The following PEAK1 variants were observed in gnomAD, a reference collection of about 807,000 sequenced individuals.
PEAK1 encodes pseudopodium enriched atypical kinase 1.
In PEAK1, 54 loss-of-function variants were observed where a neutral mutation model predicts 124.7. That is an observed-to-expected ratio of 0.43 (90% CI 0.35 to 0.54). The LOEUF (loss-of-function observed/expected upper bound fraction) is 0.54, where lower values mean the gene tolerates loss of function less well. PEAK1 is among the 20% of genes least tolerant of loss of function. The pLI, the probability that PEAK1 is intolerant of heterozygous loss-of-function variation, is 0.01. For missense variants in PEAK1, 2,046 were observed against 2,134.5 expected, an observed-to-expected ratio of 0.96 and a Z score of 0.82; for synonymous variants, 719 against 760.0, an observed-to-expected ratio of 0.95 and a Z score of 0.89.
chr15:77,128,784 A>G (rs2052597257), intron 9 of PEAK1, among the ~76,000 whole-genome samples: 1 of 152,196 alleles, frequency 6.6e-6, no homozygotes, highest in Non-Finnish European at 1.5e-5. Context: ...CTCAGGACAA[A>G]TCATACCTTG....
chr15:77,334,289 A>C, intron 2 of PEAK1: 4 of 985,166 alleles, frequency 4.1e-6, no homozygotes, highest in Non-Finnish European at 4.8e-6. Context: ...ACTTGTGCAT[A>C]ATAGTAATGC....
chr15:77,343,556 G>A (rs560293012), intron 2 of PEAK1, among the ~76,000 whole-genome samples: 6 of 140,242 alleles, frequency 4.3e-5, no homozygotes, highest in African/African-American at 1.6e-4. Context: ...GCACAATCTC[G>A]TCTTACTGCA....
intron 5 of PEAK1, among the ~76,000 whole-genome samples, chr15:77,267,117 C>T (rs1481615897): frequency 6.6e-6 from 1 of 152,070 alleles, no homozygotes; most frequent in Non-Finnish European, 1.5e-5. Flanking sequence ...GCAGAGGCAG[C>T]CATAATCTTC....
rs766936185 is a variant in PEAK1, at chr15:77,133,014, A to G, written c.4068T>C (p.Tyr1356=). The G allele has an allele frequency of 2.5e-6, 4 of 1,605,714 alleles. No individual in the cohort carries two copies. In the South Asian group the frequency reaches 4.4e-5, roughly 18 times the overall value. The part of the protein sequence containing the change: ...ASYAKDPLNN[Y]AVKICKSKAK... ...TATAATATTTTCTTACCTTGACTGC[A>G]TAGTTATTAAGTGGATCTTTTGCAT... is the stretch of plus-strand genomic sequence containing the variant. Residue 1356 remains tyrosine (Y), a synonymous_variant, in exon 9 of 10, where the codon TAT becomes TAC. Transcript: ENST00000682557. The surrounding 1 kb of genome is among the most constrained non-coding windows in gnomAD (Gnocchi z 4.2).
chr15:77,211,615 G>A (rs760866825), intron 6 of PEAK1, among the ~76,000 whole-genome samples: 5 of 152,070 alleles, frequency 3.3e-5, no homozygotes, highest in South Asian at 2.1e-4. Flanking sequence ...TTGGGAGGCC[G>A]AGGTGGGTCG....
At chr15:77,333,785 T>C (rs1026901489) in intron 2 of PEAK1, 48 of 887,086 alleles carry the variant, frequency 5.4e-5, no homozygotes, top group Non-Finnish European at 6.5e-5. Context: ...GTCAATATCA[T>C]ATGGTTTTAA....
intron 6 of PEAK1, among the ~76,000 whole-genome samples, chr15:77,204,121 AAAGAC>A (rs140283813): frequency 0.16 from 24,088 of 152,140 alleles, 2,286 homozygotes; most frequent in Middle Eastern, 0.28. Context: ...AGAAACAGAT[AAAGAC>A]AATATACAGA....
chr15:77,315,453 T>C (rs1350103305), intron 2 of PEAK1, among the ~76,000 whole-genome samples: 5 of 152,164 alleles, frequency 3.3e-5, no homozygotes, highest in Non-Finnish European at 5.9e-5. Context: ...GTGTGCTTTA[T>C]TTAGCAAGTG....
chr15:77,193,641 T>TA (rs1344858621), intron 6 of PEAK1, among the ~76,000 whole-genome samples: 1 of 152,144 alleles, frequency 6.6e-6, no homozygotes, highest in Non-Finnish European at 1.5e-5. Flanking sequence ...CCGTCTCTAC[T>TA]AAAAATACAA....
At chr15:77,175,298 C>G (rs1318966293) in intron 7 of PEAK1, among the ~76,000 whole-genome samples, 6 of 152,096 alleles carry the variant, frequency 3.9e-5, no homozygotes, top group African/African-American at 1.2e-4. Flanking sequence ...AAGAAACTAC[C>G]ATCAGAGTGA....
chr15:77,166,340 G>C (rs574610569), intron 7 of PEAK1, among the ~76,000 whole-genome samples: 2 of 152,242 alleles, frequency 1.3e-5, no homozygotes, highest in African/African-American at 4.8e-5. Flanking sequence ...TAATAATAGT[G>C]GCCAAAATTT....
chr15:77,350,463 T>C, intron 2 of PEAK1: 1 of 985,396 alleles, frequency 1.0e-6, no homozygotes, highest in Non-Finnish European at 1.2e-6. Context: ...ATAGTGTATA[T>C]ATCTTAAGGT....
At chr15:77,334,206 T>G in intron 2 of PEAK1, 1 of 983,194 alleles carries the variant, frequency 1.0e-6, no homozygotes, top group Non-Finnish European at 1.2e-6. Flanking sequence ...TTCAGTACAT[T>G]TAGACGTAAC....
At chr15:77,412,168 TTCTTC>T (rs2072468062) in intron 1 of PEAK1, among the ~76,000 whole-genome samples, 1 of 152,192 alleles carries the variant, frequency 6.6e-6, no homozygotes, top group Non-Finnish European at 1.5e-5. Flanking sequence ...GTCCTTAAAT[TTCTTC>T]TCTTCTCTAG....
rs373619237 is a variant in PEAK1 at position 77,115,185 on chromosome 15, G to A, written c.4212C>T (p.Pro1404=). Residue 1404 remains proline (P), a synonymous_variant, in exon 10 of 10, where the codon CCC becomes CCT. Coordinates refer to ENST00000682557, the MANE Select transcript of PEAK1 (RefSeq NM_001385026.1). ...FLAEVPNRLL[P]WEDPDDPEKD... is the part of the protein sequence containing the mutation. ...TTTCAGGGTCATCTGGATCCTCCCA[G>A]GGAAGCAGACGGTTAGGGACTTCAG... 5.0e-6 allele frequency: 8 copies of A among 1,614,136 alleles called. No individual in the cohort carries two copies. Among genetic ancestry groups the A allele is most frequent in the Middle Eastern group, 3.3e-4 (2 of 6,062 alleles).
intron 6 of PEAK1, among the ~76,000 whole-genome samples, chr15:77,249,300 T>C (rs984164932): frequency 6.6e-6 from 1 of 152,186 alleles, no homozygotes; most frequent in Non-Finnish European, 1.5e-5. Flanking sequence ...TGTAAGAATA[T>C]ACTCCCCTAC....
intron 9 of PEAK1, among the ~76,000 whole-genome samples, chr15:77,124,024 A>G (rs543466965): frequency 6.6e-6 from 1 of 152,364 alleles, no homozygotes; most frequent in African/African-American, 2.4e-5. Flanking sequence ...CTGCCTCCAC[A>G]GCTTCCTCTT....
At chr15:77,165,720 G>C (rs1330831011) in intron 7 of PEAK1, among the ~76,000 whole-genome samples, 2 of 152,168 alleles carry the variant, frequency 1.3e-5, no homozygotes, top group Non-Finnish European at 2.9e-5. Context: ...TAGGTACTCA[G>C]AACACCCAGC....
chr15:77,180,517 TG>T lies in PEAK1; in HGVS notation c.1409del (p.Pro470HisfsTer45). On this transcript the variant is annotated frameshift_variant, in exon 7 of 10. Coordinates refer to ENST00000682557, the MANE Select transcript of PEAK1 (RefSeq NM_001385026.1). LOFTEE classifies it high-confidence loss of function. ...CCACGACAGTATATGGCTTGCACAATGGCTGTTCCAGGTTCACAACTCGGTA... is the reference window on the plus strand; with the variant it reads ...CCACGACAGTATATGGCTTGCACAATGCTGTTCCAGGTTCACAACTCGGTA... ...KPYRVVNLEQ[P>X]LCKPYTVVDV... 1 of 1,614,110 alleles carries T rather than the reference TG, an allele frequency of 6.2e-7. No individual in the cohort carries two copies. The highest frequency in any genetic ancestry group is 8.5e-7 in the Non-Finnish European group (1 of 1,179,994).
Sources: gnomAD v4.1 joint callset for allele counts (sites outside exome capture counted in the v4.1 genomes callset) on GRCh38, gnomAD v4.1.1 for gene constraint, Gnocchi (gnomAD v3.1) non-coding constraint, MANE v1.5 for transcripts, NCBI Gene and HGNC (gene_info 2026-07-23, HGNC 2026-07-21) for gene names.